ZGRF1: variants seen among roughly 807,000 people sequenced by gnomAD.
ZGRF1 encodes the protein zinc finger GRF-type containing 1, also known as 5'-3' DNA helicase ZGRF1.
In ZGRF1, 196 loss-of-function variants were observed where a neutral mutation model predicts 203.5. The observed-to-expected ratio is 0.96, with a 90% CI of 0.86 to 1.08. ZGRF1 has a LOEUF of 1.08. Among genes scored for constraint, ZGRF1 ranks in the 50% least tolerant of loss-of-function variants. The pLI is 0.00. For missense variants in ZGRF1, 2,326 were observed against 2,416.3 expected, an observed-to-expected ratio of 0.96 and a Z score of 0.78; for synonymous variants, 809 against 841.3, an observed-to-expected ratio of 0.96 and a Z score of 0.66.
At chr4:112,559,192 G>GT (rs952418822) in intron 19 of ZGRF1, among the ~76,000 whole-genome samples, 29 of 151,188 alleles carry the variant, frequency 1.9e-4, no homozygotes, top group South Asian at 6.3e-4. Flanking sequence ...AGCAATGGTT[G>GT]TTTTTTTTTG....
At chr4:112,590,753 C>G (rs1748026998) in intron 10 of ZGRF1, among the ~76,000 whole-genome samples, 1 of 151,744 alleles carries the variant, frequency 6.6e-6, no homozygotes, top group Admixed American at 6.6e-5. Context: ...CAGTGAAACC[C>G]CATCTCTACT....
intron 6 of ZGRF1, 116 bp downstream of exon 6, chr4:112,617,321 GTAT>G (rs1263365173): frequency 3.0e-6 from 2 of 674,462 alleles, no homozygotes; most frequent in Non-Finnish European, 4.7e-6. Flanking sequence ...CCAAGTACAT[GTAT>G]TACCTATTTA....
chr4:112,564,298 T>G (rs1431375358), intron 16 of ZGRF1, among the ~76,000 whole-genome samples: 1 of 152,226 alleles, frequency 6.6e-6, no homozygotes, highest in Admixed American at 6.5e-5. Flanking sequence ...ATGTGAATCT[T>G]GTGATATTAA....
intron 10 of ZGRF1, among the ~76,000 whole-genome samples, chr4:112,598,709 A>G (rs1749451376): frequency 6.6e-6 from 1 of 152,134 alleles, no homozygotes; most frequent in African/African-American, 2.4e-5. Flanking sequence ...AAATCACAAA[A>G]AACACTGACA....
chr4:112,614,393 G>C (rs1359208130), intron 6 of ZGRF1, among the ~76,000 whole-genome samples: 2 of 152,182 alleles, frequency 1.3e-5, no homozygotes, highest in African/African-American at 4.8e-5. Flanking sequence ...AGCAAAAAAC[G>C]AATTGCCTGA....
At chr4:112,613,463 T>A (rs1232215404) in intron 6 of ZGRF1, among the ~76,000 whole-genome samples, 1 of 150,512 alleles carries the variant, frequency 6.6e-6, no homozygotes, top group African/African-American at 2.4e-5. Flanking sequence ...CAAAAAAAAA[T>A]TCCTTGAAAA....
chr4:112,603,231 G>C (rs1299721228), intron 10 of ZGRF1, among the ~76,000 whole-genome samples: 1 of 152,064 alleles, frequency 6.6e-6, no homozygotes, highest in African/African-American at 2.4e-5. Flanking sequence ...AAATCTATTA[G>C]ATGTTAAACA....
At chr4:112,550,223 G>C (rs1034475033) in intron 22 of ZGRF1, among the ~76,000 whole-genome samples, 30 of 151,690 alleles carry the variant, frequency 2.0e-4, no homozygotes, top group African/African-American at 7.2e-4. Flanking sequence ...ACTTTCTAGT[G>C]GGACAAGATG....
rs187507161 is a variant in ZGRF1, at chr4:112,578,906, C to T, written c.4438+2757G>A. Reference sequence around the variant, plus strand: ...AATCAATAGAAAAAGAGGGAATCCTCCCTAATTCATTTTCTGAGGCCAGAA... The same window carrying T: ...AATCAATAGAAAAAGAGGGAATCCTTCCTAATTCATTTTCTGAGGCCAGAA... On this transcript the variant is annotated intron_variant, in intron 16 of 27. Coordinates refer to ENST00000505019, the MANE Select transcript of ZGRF1 (RefSeq NM_018392.5). Among the ~76,000 whole-genome samples the T allele has an allele frequency of 9.2e-3, 1,138 of 123,032 alleles. 258 individuals carry two copies. The highest frequency in any genetic ancestry group is 0.029 in the African/African-American group (1,018 of 35,490). The allele number at this position is 123,032 out of a possible 152,430, so 80.7% of individuals were successfully genotyped here. A position where few individuals can be genotyped will look rare whatever the true frequency, so the allele number is the denominator to read the frequency against.
chr4:112,619,545 T>C lies in ZGRF1; in HGVS notation c.497A>G (p.Lys166Arg), dbSNP rs1315081666. 64 of 1,614,102 alleles carry C rather than the reference T, an allele frequency of 4.0e-5. No individual in the cohort carries two copies. The highest frequency in any genetic ancestry group is 5.3e-5 in the Non-Finnish European group (62 of 1,179,990). Residue 166 changes from lysine (K) to arginine (R), a missense_variant, in exon 6 of 28, where the codon AAG (lysine) becomes AGG (arginine). Physicochemically the swap from Lys to Arg is conservative, Grantham distance 26. Coordinates refer to ENST00000505019, the MANE Select transcript of ZGRF1 (RefSeq NM_018392.5). ...SMPPLFPTVG[K>R]KDVNNILADP... Reference sequence around the variant, plus strand: ...TGCCAGTATATTATTTACATCTTTCTTGCCAACAGTAGGAAACAAAGGAGG... The same window carrying C: ...TGCCAGTATATTATTTACATCTTTCCTGCCAACAGTAGGAAACAAAGGAGG...
At chr4:112,632,696 C>A (rs1390509659) in intron 2 of ZGRF1, among the ~76,000 whole-genome samples, 1 of 152,142 alleles carries the variant, frequency 6.6e-6, no homozygotes, top group Non-Finnish European at 1.5e-5. Flanking sequence ...AGACGTAAGA[C>A]CCTATATACA....
intron 6 of ZGRF1, among the ~76,000 whole-genome samples, chr4:112,613,886 G>A (rs2046778525): frequency 6.6e-6 from 1 of 152,078 alleles, no homozygotes; most frequent in South Asian, 2.1e-4. Flanking sequence ...TATAACTAGT[G>A]TAAACTTCAT....
chr4:112,578,494 GA>G lies in ZGRF1; in HGVS notation c.4438+3168del, dbSNP rs1463180587. Reference sequence around the variant, plus strand: ...CAATGAATCCAGGAGCTGGTTTTTTGAAAAGATCAACAAAATTGATAGACCG... The same window carrying G: ...CAATGAATCCAGGAGCTGGTTTTTTGAAAGATCAACAAAATTGATAGACCG... On this transcript the variant is annotated intron_variant, in intron 16 of 27. Coordinates refer to ENST00000505019, the MANE Select transcript of ZGRF1 (RefSeq NM_018392.5). Among the ~76,000 whole-genome samples, 2 of 120,120 alleles carry G rather than the reference GA, an allele frequency of 1.7e-5. 1 individual carries two copies. The highest frequency in any genetic ancestry group is 3.7e-5 in the Non-Finnish European group (2 of 53,966). 78.8% of individuals were successfully genotyped at this position (120,120 alleles called of 152,430 possible).
At chr4:112,582,046 T>A (rs1746359204) in intron 15 of ZGRF1, among the ~76,000 whole-genome samples, 1 of 152,192 alleles carries the variant, frequency 6.6e-6, no homozygotes, top group Admixed American at 6.5e-5. Flanking sequence ...GTGTGCTTTT[T>A]AAAATTTTTA....
In ZGRF1 at chr4:112,541,184, C is replaced by T; in HGVS notation, c.5683G>A (p.Ala1895Thr). 1 of 1,612,300 alleles carries T rather than the reference C, an allele frequency of 6.2e-7. No homozygotes were observed. The highest frequency in any genetic ancestry group is 1.1e-5 in the South Asian group (1 of 90,800). The change falls in exon 25 of 28, where the codon GCC becomes ACC. Residue 1895 changes from alanine (A) to threonine (T), a missense_variant. Ala to Thr is a moderately conservative substitution (Grantham distance 58, BLOSUM62 0). Transcript: ENST00000505019. Reference sequence around the variant, plus strand: ...ATTTCTGTTACACCATTCATGAGGGCTCCTTTGTAAAACAGATCATTAGCA... The same window carrying T: ...ATTTCTGTTACACCATTCATGAGGGTTCCTTTGTAAAACAGATCATTAGCA... ...AIANDLFYKGALMNGVTEIER... is the reference protein window; with the variant it reads ...AIANDLFYKGTLMNGVTEIER...
intron 3 of ZGRF1, among the ~76,000 whole-genome samples, chr4:112,627,100 C>T (rs779746802): frequency 3.9e-5 from 6 of 152,140 alleles, no homozygotes; most frequent in East Asian, 1.9e-4. Context: ...CATGAGCCAC[C>T]GCGCCCAGCC....
chr4:112,580,760 C>T (rs997199168), intron 16 of ZGRF1, among the ~76,000 whole-genome samples: 14 of 151,878 alleles, frequency 9.2e-5, no homozygotes, highest in African/African-American at 2.2e-4. Flanking sequence ...ATGGCGATCA[C>T]TAAAAAGTCA....
chr4:112,586,366 T>C (rs1747184072), intron 13 of ZGRF1, 79 bp downstream of exon 13: 4 of 1,070,560 alleles, frequency 3.7e-6, no homozygotes, highest in East Asian at 2.9e-5. Flanking sequence ...AAATTCACAA[T>C]ATAATGTATT....
chr4:112,590,019 C>T, intron 10 of ZGRF1, 145 bp from the exon 11 acceptor site: 1 of 516,384 alleles, frequency 1.9e-6, no homozygotes, highest in Non-Finnish European at 3.3e-6. Context: ...AACTATAAAA[C>T]TTCTTCCAAA....
Sources: gnomAD v4.1 joint callset for allele counts (sites outside exome capture counted in the v4.1 genomes callset) on GRCh38, gnomAD v4.1.1 for gene constraint, MANE v1.5 for transcripts, NCBI Gene and HGNC (gene_info 2026-07-23, HGNC 2026-07-21) for gene names.